The following SDK1 variants were observed in gnomAD, a reference collection of about 807,000 sequenced individuals.
SDK1 encodes the protein sidekick cell adhesion molecule 1.
In SDK1, 157 loss-of-function variants were observed where a neutral mutation model predicts 245.5. That is an observed-to-expected ratio of 0.64 (90% CI 0.56 to 0.73). The LOEUF is 0.73. Ranked by LOEUF, SDK1 falls within the 30% of genes least tolerant of loss-of-function variation. The pLI, the probability that SDK1 is intolerant of heterozygous loss-of-function variation, is 0.00. For synonymous variants in SDK1, 1,647 were observed against 1,278.5 expected (o/e 1.29, Z -6.15); for missense variants, 3,583 against 3,002.3 (o/e 1.19, Z -4.52).
At chr7:4,005,438 T>TGTG (rs1785405916) in intron 14 of SDK1, among the ~76,000 whole-genome samples, 4 of 94,450 alleles carry the variant, frequency 4.2e-5, no homozygotes, top group Admixed American at 1.1e-4. Context: ...GTGTGTGTGT[T>TGTG]AATACTTCTT....
intron 4 of SDK1, among the ~76,000 whole-genome samples, chr7:3,686,415 T>C (rs1266814885): frequency 6.6e-6 from 1 of 152,180 alleles, no homozygotes; most frequent in Non-Finnish European, 1.5e-5. Context: ...GGAGCGTCTG[T>C]ATTAACATCA....
rs556556755 is a variant in SDK1, at chr7:3,782,850, C to G, written c.714-38600C>G. Reference sequence around the variant, plus strand: ...TGAACTTTTATAAGTCAGGAATTGTCTGTACTTCCAAAAATCTTTTTACAA... The same window carrying G: ...TGAACTTTTATAAGTCAGGAATTGTGTGTACTTCCAAAAATCTTTTTACAA... On this transcript the variant is annotated intron_variant, in intron 4 of 44. Transcript: ENST00000404826. Among the ~76,000 whole-genome samples, 52 of 152,278 alleles carry G rather than the reference C, an allele frequency of 3.4e-4. No homozygotes were observed. The South Asian group carries it at 9.8e-3, about 29-fold the overall frequency.
rs571832078 is a variant in SDK1, at chr7:3,936,310, G to A, written c.848-14613G>A. Among the ~76,000 whole-genome samples the A allele has an allele frequency of 3.9e-5, 6 of 152,184 alleles. No homozygotes were observed. The South Asian group carries it at 1.2e-3, about 32-fold the overall frequency. On this transcript the variant is annotated intron_variant, in intron 5 of 44. Transcript: ENST00000404826. ...AATAAAAGTGTTTTGGGCCGGGCAC[G>A]GTGGCTCACGCCTGTAATCCCAGCA...
intron 1 of SDK1, among the ~76,000 whole-genome samples, chr7:3,458,977 T>C (rs934312750): frequency 1.3e-5 from 2 of 152,124 alleles, no homozygotes; most frequent in African/African-American, 4.8e-5. Flanking sequence ...AGTTTCCATG[T>C]AAAGTTTCCA....
At chr7:3,974,631 C>T in intron 13 of SDK1, 86 bp downstream of exon 13, 1 of 1,330,900 alleles carries the variant, frequency 7.5e-7, no homozygotes, top group Non-Finnish European at 1.1e-6. Flanking sequence ...TCACAAGTGT[C>T]ACGCCCGGCT....
chr7:3,980,859 C>G (rs995825101), intron 13 of SDK1, among the ~76,000 whole-genome samples: 1 of 151,644 alleles, frequency 6.6e-6, no homozygotes. Flanking sequence ...GAGAATTGCT[C>G]GAACTCAGGA....
chr7:3,751,479 A>C (rs1053854005), intron 4 of SDK1, among the ~76,000 whole-genome samples: 1 of 151,646 alleles, frequency 6.6e-6, no homozygotes, highest in Admixed American at 6.6e-5. Context: ...AGGAGGGAGG[A>C]ATGGGGAGCA....
chr7:3,874,596 T>A (rs1478323788), intron 5 of SDK1, among the ~76,000 whole-genome samples: 1 of 152,120 alleles, frequency 6.6e-6, no homozygotes, highest in African/African-American at 2.4e-5. Context: ...GAACTCCTTC[T>A]CCACCCCCGT....
At chr7:3,560,803 C>G (rs1332323022) in intron 1 of SDK1, among the ~76,000 whole-genome samples, 2 of 152,156 alleles carry the variant, frequency 1.3e-5, no homozygotes, top group African/African-American at 4.8e-5. Context: ...CCTCTCTGGC[C>G]TCTTTCCTGT....
chr7:4,157,392 G>C (rs1173219050), intron 30 of SDK1, among the ~76,000 whole-genome samples: 1 of 84,972 alleles, frequency 1.2e-5, no homozygotes, highest in Non-Finnish European at 2.3e-5. Context: ...AAGGAATGAG[G>C]GGAGGGAGGG....
intron 4 of SDK1, among the ~76,000 whole-genome samples, chr7:3,811,602 C>G (rs1017778279): frequency 2.0e-5 from 3 of 152,190 alleles, no homozygotes; most frequent in African/African-American, 7.2e-5. Context: ...TTTCTGACCA[C>G]CCACCAAAGC....
chr7:3,646,419 A>G (rs1400263753), intron 4 of SDK1, among the ~76,000 whole-genome samples: 1 of 152,194 alleles, frequency 6.6e-6, no homozygotes, highest in Non-Finnish European at 1.5e-5. Flanking sequence ...GCTATTATTT[A>G]TTGAGTACCT....
chr7:4,167,738 G>C (rs1236946647), intron 32 of SDK1, among the ~76,000 whole-genome samples: 3 of 152,394 alleles, frequency 2.0e-5, no homozygotes, highest in Middle Eastern at 3.4e-3. Flanking sequence ...CAGAGTCAGA[G>C]ACATGCGAAG....
intron 1 of SDK1, among the ~76,000 whole-genome samples, chr7:3,497,136 C>T (rs1489756903): frequency 6.6e-6 from 1 of 152,106 alleles, no homozygotes; most frequent in Admixed American, 6.5e-5. Context: ...TCATTTTAAT[C>T]TAAGACTTAA....
chr7:3,795,679 G>C (rs17133852), intron 4 of SDK1, among the ~76,000 whole-genome samples: 201 of 152,154 alleles, frequency 1.3e-3, no homozygotes, highest in African/African-American at 4.7e-3. Flanking sequence ...AACCCATCAC[G>C]TTAGATTGAG....
intron 2 of SDK1, among the ~76,000 whole-genome samples, chr7:3,629,281 A>G (rs947984568): frequency 6.6e-6 from 1 of 151,150 alleles, no homozygotes; most frequent in Non-Finnish European, 1.5e-5. Context: ...AGCCTGGGAG[A>G]CAGTACAATT....
chr7:3,824,636 C>T (rs2115064290), intron 5 of SDK1, among the ~76,000 whole-genome samples: 1 of 152,274 alleles, frequency 6.6e-6, no homozygotes, highest in East Asian at 1.9e-4. Flanking sequence ...CGCTGTCACC[C>T]AGCTAACAGG....
chr7:3,708,317 G>A (rs999606180), intron 4 of SDK1, among the ~76,000 whole-genome samples: 3 of 147,074 alleles, frequency 2.0e-5, no homozygotes, highest in African/African-American at 7.7e-5. Flanking sequence ...TACCTCCAAG[G>A]TCCAGTTACC....
At chr7:3,571,861 A>G (rs569280184) in intron 1 of SDK1, among the ~76,000 whole-genome samples, 17 of 152,140 alleles carry the variant, frequency 1.1e-4, no homozygotes, top group African/African-American at 3.6e-4. Context: ...TGCTATCTGT[A>G]TTTTAAAAGC....
Sources: allele counts gnomAD v4.1 joint callset (sites outside exome capture counted in the v4.1 genomes callset), GRCh38; gene constraint gnomAD v4.1.1; transcripts MANE v1.5; gene names NCBI Gene and HGNC (gene_info 2026-07-23, HGNC 2026-07-21).